TNRC6A: variants seen among roughly 807,000 people sequenced by gnomAD.
TNRC6A encodes the protein trinucleotide repeat containing adaptor 6A.
A neutral mutation model predicts 221.2 loss-of-function variants in TNRC6A; 44 were observed. The observed-to-expected ratio is 0.20, with a 90% confidence interval of 0.16 to 0.26. The LOEUF is 0.26. Ranked by LOEUF, TNRC6A falls within the 10% of genes least tolerant of loss-of-function variation. The pLI, the probability that TNRC6A is intolerant of heterozygous loss-of-function variation, is 1.00. For missense variants in TNRC6A, 2,199 were observed against 2,404.4 expected, an observed-to-expected ratio of 0.91 and a Z score of 1.79; for synonymous variants, 847 against 838.5, an observed-to-expected ratio of 1.01 and a Z score of -0.18.
At chr16:24,708,967 C>T (rs1320466355) in intron 2 of TNRC6A, among the ~76,000 whole-genome samples, 1 of 152,072 alleles carries the variant, frequency 6.6e-6, no homozygotes, top group African/African-American at 2.4e-5. Context: ...CGTAAGTGTG[C>T]ATGTGTCAGC....
At chr16:24,691,543 CA>C (rs1464910118) in intron 2 of TNRC6A, among the ~76,000 whole-genome samples, 1 of 152,082 alleles carries the variant, frequency 6.6e-6, no homozygotes, top group Non-Finnish European at 1.5e-5. Flanking sequence ...CCAAAGTGGG[CA>C]GATCAGTTGA....
At chr16:24,771,582 T>TTTTATGTTATGTTGTGA in intron 4 of TNRC6A, among the ~76,000 whole-genome samples, 2 of 95,480 alleles carry the variant, frequency 2.1e-5, no homozygotes, top group African/African-American at 8.7e-5. Context: ...TTATGTTATG[T>TTTTATGTTATGTTGTGA]TGTTATGTTA....
At chr16:24,665,964 G>T (rs1209889246) in intron 2 of TNRC6A, among the ~76,000 whole-genome samples, 9 of 152,148 alleles carry the variant, frequency 5.9e-5, no homozygotes, top group Non-Finnish European at 1.5e-5. Flanking sequence ...GTGAGTGGTT[G>T]TACTGAAGAA....
intron 2 of TNRC6A, among the ~76,000 whole-genome samples, chr16:24,646,515 T>C (rs1373653201): frequency 6.6e-6 from 1 of 152,238 alleles, no homozygotes; most frequent in African/African-American, 2.4e-5. Flanking sequence ...TTTTCAGTAT[T>C]TATCATACAG....
At chr16:24,795,420 T>C (rs1304038243) in intron 8 of TNRC6A, among the ~76,000 whole-genome samples, 1 of 152,180 alleles carries the variant, frequency 6.6e-6, no homozygotes, top group Non-Finnish European at 1.5e-5. Context: ...GAGGTGGCAC[T>C]GGGGGCTGCT....
intron 2 of TNRC6A, among the ~76,000 whole-genome samples, chr16:24,745,358 TAGG>T (rs2056982333): frequency 1.3e-5 from 2 of 151,880 alleles, no homozygotes; most frequent in African/African-American, 4.8e-5. Flanking sequence ...TTAATTTAGG[TAGG>T]AGGATAAAAA....
At chr16:24,769,001 C>T (rs1249326637) in intron 4 of TNRC6A, among the ~76,000 whole-genome samples, 3 of 152,090 alleles carry the variant, frequency 2.0e-5, no homozygotes. Context: ...TTTCTGAAAT[C>T]AGTTTATTAA....
Position 24,634,408 on chromosome 16 carries a change from C to T in TNRC6A, n.277-6476C>T, listed in dbSNP as rs113500791. Among the ~76,000 whole-genome samples the T allele has an allele frequency of 8.3e-3, 1,268 of 152,018 alleles. 21 individuals carry two copies. The highest frequency in any genetic ancestry group is 0.029 in the African/African-American group (1,207 of 41,454). On this transcript the variant is annotated intron_variant and non_coding_transcript_variant, in intron 1 of 2. Coordinates refer to the TNRC6A transcript ENST00000566108. ...TCATGCCACTACACTCCAGCCTGGGCGACAGAGAGAGACCCTGTCTCAGAT... is the reference window on the plus strand; with the variant it reads ...TCATGCCACTACACTCCAGCCTGGGTGACAGAGAGAGACCCTGTCTCAGAT...
chr16:24,766,872 T>G (rs1039162926), intron 4 of TNRC6A, among the ~76,000 whole-genome samples: 7 of 152,076 alleles, frequency 4.6e-5, no homozygotes, highest in African/African-American at 1.7e-4. Flanking sequence ...AGACAGGGTT[T>G]CACTGTGTTG....
Position 24,791,274 on chromosome 16 carries a change from A to G in TNRC6A, c.2632A>G (p.Ser878Gly). 2.5e-6 allele frequency: 4 copies of G among 1,613,810 alleles called. No homozygotes were observed. The highest frequency in any genetic ancestry group is 3.4e-6 in the Non-Finnish European group (4 of 1,179,818). The change falls in exon 6 of 25, where the codon AGT becomes GGT. Residue 878 changes from serine (S) to glycine (G), a missense_variant. Ser to Gly is a moderately conservative substitution (Grantham distance 56). This residue lies in a region of TNRC6A where 1,405 missense variants were observed against 1,400.2 expected (regional missense o/e 1.00). Transcript: ENST00000395799. The part of the protein sequence containing the change: ...EANKKSSSGG[S>G]DSDRSVSGWN... ...CAATAAGAAATCCAGCTCAGGAGGT[A>G]GTGACAGTGACAGGTCCGTTTCCGG...
At chr16:24,769,484 A>C (rs1304319498) in intron 4 of TNRC6A, among the ~76,000 whole-genome samples, 1 of 151,692 alleles carries the variant, frequency 6.6e-6, no homozygotes, top group Non-Finnish European at 1.5e-5. Flanking sequence ...AAAAAAAAAA[A>C]ACCCTAAAAA....
At chr16:24,615,217 G>T (rs1034740299) in intron 1 of TNRC6A, among the ~76,000 whole-genome samples, 50 of 152,098 alleles carry the variant, frequency 3.3e-4, no homozygotes, top group Non-Finnish European at 1.2e-4. Flanking sequence ...ATTAGAGAAG[G>T]CTCACAGGTT....
intron 2 of TNRC6A, among the ~76,000 whole-genome samples, chr16:24,743,108 C>T (rs2056926621): frequency 6.6e-6 from 1 of 152,060 alleles, no homozygotes; most frequent in South Asian, 2.1e-4. Context: ...AGCCTTGTAC[C>T]ATCTGACAAG....
intron 1 of TNRC6A, among the ~76,000 whole-genome samples, chr16:24,627,314 T>C (rs1445445840): frequency 6.6e-6 from 1 of 152,018 alleles, no homozygotes; most frequent in Non-Finnish European, 1.5e-5. Context: ...ACAATCCGGG[T>C]CAGCTTTCAA....
chr16:24,724,858 T>TA (rs920425730), upstream of TNRC6A, among the ~76,000 whole-genome samples: 7 of 151,952 alleles, frequency 4.6e-5, no homozygotes, highest in East Asian at 1.9e-4. Context: ...GAGCCTTGCC[T>TA]AAAAAAAATA....
rs2058850448 is a variant in TNRC6A, at chr16:24,825,821, A to G, written c.*2014A>G. The G allele has an allele frequency of 6.5e-6, 1 of 152,682 alleles. No homozygotes were observed. Among genetic ancestry groups the G allele is most frequent in the African/African-American group, 2.4e-5 (1 of 41,458 alleles). The allele number at this position is 152,682 out of a possible 1,614,324, so 9.5% of individuals were successfully genotyped here. A position where few individuals can be genotyped will look rare whatever the true frequency, so the allele number is the denominator to read the frequency against. ...TTAAACTCTCATACCTCTGTTACAAAGCGAGAAACGCCACACCCGGACTGG... is the reference window on the plus strand; with the variant it reads ...TTAAACTCTCATACCTCTGTTACAAGGCGAGAAACGCCACACCCGGACTGG... On this transcript the variant is annotated 3_prime_UTR_variant, in exon 25 of 25. Transcript: ENST00000395799.
At chr16:24,690,488 T>C (rs1196296519) in intron 2 of TNRC6A, among the ~76,000 whole-genome samples, 1 of 152,112 alleles carries the variant, frequency 6.6e-6, no homozygotes, top group Non-Finnish European at 1.5e-5. Flanking sequence ...ATAATTTCTA[T>C]TATAATAAAA....
At chr16:24,809,525 C>T (rs1418423117) in intron 18 of TNRC6A, 44 bp downstream of exon 18, 1 of 1,439,260 alleles carries the variant, frequency 6.9e-7, no homozygotes, top group East Asian at 2.5e-5. Flanking sequence ...AAAACACACA[C>T]ACCTGCAGAA....
At chr16:24,705,899 A>G (rs1396628175) in intron 2 of TNRC6A, among the ~76,000 whole-genome samples, 1 of 152,202 alleles carries the variant, frequency 6.6e-6, no homozygotes, top group Non-Finnish European at 1.5e-5. Context: ...TACAAAGTGG[A>G]GACAACATAA....
Sources: allele counts gnomAD v4.1 joint callset (sites outside exome capture counted in the v4.1 genomes callset), GRCh38; gene constraint gnomAD v4.1.1; regional missense constraint gnomAD v4.1.1; transcripts MANE v1.5; gene names NCBI Gene and HGNC (gene_info 2026-07-23, HGNC 2026-07-21).